The following RANBP17 variants were observed in gnomAD, a reference collection of about 807,000 sequenced individuals.
RANBP17 encodes the protein ran-binding protein 17.
In RANBP17, 158 loss-of-function variants were observed where a neutral mutation model predicts 141.2. The observed-to-expected ratio is 1.12, with a 90% CI of 0.98 to 1.28. The LOEUF is 1.28. Among genes scored for constraint, RANBP17 ranks in the 50% most tolerant of loss-of-function variants. The pLI is 0.00. For missense variants in RANBP17, 1,438 were observed against 1,290.7 expected, an observed-to-expected ratio of 1.11 and a Z score of -1.75; for synonymous variants, 430 against 450.0, an observed-to-expected ratio of 0.96 and a Z score of 0.56.
At chr5:171,203,613 A>G (rs933213705) in intron 19 of RANBP17, among the ~76,000 whole-genome samples, 1 of 152,168 alleles carries the variant, frequency 6.6e-6, no homozygotes, top group South Asian at 2.1e-4. Context: ...AAAAAAGCCA[A>G]TAGATTTGAG....
intron 14 of RANBP17, among the ~76,000 whole-genome samples, chr5:171,019,806 C>T (rs1780723499): frequency 6.6e-6 from 1 of 151,848 alleles, no homozygotes; most frequent in African/African-American, 2.4e-5. Context: ...TATTTCTTGT[C>T]TTCTGCTAGC....
intron 24 of RANBP17, among the ~76,000 whole-genome samples, chr5:171,261,863 C>T (rs930745165): frequency 6.6e-6 from 1 of 152,308 alleles, no homozygotes; most frequent in South Asian, 2.1e-4. Flanking sequence ...CAATAGTTAA[C>T]ACATAGTCTT....
chr5:171,069,342 C>A (rs1443927466), intron 14 of RANBP17, among the ~76,000 whole-genome samples: 1 of 152,190 alleles, frequency 6.6e-6, no homozygotes, highest in Non-Finnish European at 1.5e-5. Context: ...GTGATAGTTG[C>A]TGTGCAAAAT....
intron 14 of RANBP17, among the ~76,000 whole-genome samples, chr5:171,146,668 T>C (rs553857981): frequency 6.6e-6 from 1 of 152,360 alleles, no homozygotes; most frequent in African/African-American, 2.4e-5. Flanking sequence ...TTATGCCATC[T>C]TAAGATAAGC....
At chr5:170,898,558 T>G (rs1370212292) in intron 5 of RANBP17, among the ~76,000 whole-genome samples, 1 of 152,222 alleles carries the variant, frequency 6.6e-6, no homozygotes, top group Non-Finnish European at 1.5e-5. Flanking sequence ...ATTTTGGCTT[T>G]TGTTGCCATT....
chr5:171,286,789 T>C (rs946609230), intron 25 of RANBP17, among the ~76,000 whole-genome samples: 4 of 152,206 alleles, frequency 2.6e-5, no homozygotes, highest in African/African-American at 9.6e-5. Flanking sequence ...CCTGAAAATC[T>C]GGAAGCTTTT....
At chr5:171,258,412 C>T (rs1766066713) in intron 24 of RANBP17, among the ~76,000 whole-genome samples, 1 of 151,938 alleles carries the variant, frequency 6.6e-6, no homozygotes, top group Non-Finnish European at 1.5e-5. Flanking sequence ...ATAAAAGAGC[C>T]TGAATAGCCA....
At chr5:171,063,246 G>T (rs1383543990) in intron 14 of RANBP17, among the ~76,000 whole-genome samples, 1 of 152,152 alleles carries the variant, frequency 6.6e-6, no homozygotes, top group Non-Finnish European at 1.5e-5. Flanking sequence ...CTGCTTTTTA[G>T]AGTTTCCAGT....
chr5:170,879,758 TA>T (rs1404734230), intron 2 of RANBP17, among the ~76,000 whole-genome samples: 5 of 152,212 alleles, frequency 3.3e-5, no homozygotes, highest in African/African-American at 1.2e-4. Context: ...AAAATAGCAG[TA>T]AAAACTTATC....
At chr5:170,864,942 T>A (rs919042282) in intron 1 of RANBP17, among the ~76,000 whole-genome samples, 1 of 152,170 alleles carries the variant, frequency 6.6e-6, no homozygotes, top group African/African-American at 2.4e-5. Flanking sequence ...GGAGAGATTA[T>A]TTATGATTTA....
chr5:171,104,503 T>C (rs1202885200), intron 14 of RANBP17, among the ~76,000 whole-genome samples: 1 of 152,218 alleles, frequency 6.6e-6, no homozygotes, highest in African/African-American at 2.4e-5. Flanking sequence ...TCTGCTTCAT[T>C]GCCACATTAC....
intron 14 of RANBP17, among the ~76,000 whole-genome samples, chr5:170,975,605 A>G (rs191370132): frequency 2.0e-4 from 30 of 152,308 alleles, no homozygotes; most frequent in African/African-American, 7.0e-4. Context: ...AAACAGTAGG[A>G]CACAAACAAT....
intron 14 of RANBP17, among the ~76,000 whole-genome samples, chr5:171,121,006 C>T (rs532898750): frequency 7.4e-4 from 112 of 152,218 alleles, no homozygotes; most frequent in African/African-American, 2.6e-3. Context: ...CTGTAATCCA[C>T]GCTAGTCGTG....
intron 14 of RANBP17, among the ~76,000 whole-genome samples, chr5:171,141,652 T>C (rs1222751431): frequency 2.1e-5 from 3 of 141,994 alleles, no homozygotes; most frequent in Admixed American, 7.1e-5. Flanking sequence ...AGTGAAGATA[T>C]ATACTTTGAT....
intron 14 of RANBP17, among the ~76,000 whole-genome samples, chr5:171,121,272 G>T (rs922267649): frequency 6.6e-6 from 1 of 152,206 alleles, no homozygotes; most frequent in African/African-American, 2.4e-5. Flanking sequence ...TTGGGACATG[G>T]GTGCATAACT....
At chr5:171,017,874 T>A (rs1415682200) in intron 14 of RANBP17, among the ~76,000 whole-genome samples, 1 of 152,228 alleles carries the variant, frequency 6.6e-6, no homozygotes. Flanking sequence ...TTCTAGGGGT[T>A]TTATGGTTCT....
intron 14 of RANBP17, among the ~76,000 whole-genome samples, chr5:171,093,850 G>A (rs967021233): frequency 6.6e-6 from 1 of 152,172 alleles, no homozygotes; most frequent in Non-Finnish European, 1.5e-5. Context: ...AAGATCCCTG[G>A]CTTTGTAATT....
intron 24 of RANBP17, chr5:171,243,043 CA>C: frequency 1.9e-6 from 1 of 522,040 alleles, no homozygotes; most frequent in South Asian, 2.3e-5. Flanking sequence ...AATTTACATA[CA>C]ATAAAATTCA....
chr5:170,871,432 G>A (rs1185741538), intron 1 of RANBP17, among the ~76,000 whole-genome samples: 1 of 152,076 alleles, frequency 6.6e-6, no homozygotes, highest in Non-Finnish European at 1.5e-5. Context: ...TTAGACCTTT[G>A]TCACATGGGT....
Sources: gnomAD v4.1 joint callset for allele counts (sites outside exome capture counted in the v4.1 genomes callset) on GRCh38, gnomAD v4.1.1 for gene constraint, MANE v1.5 for transcripts, NCBI Gene and HGNC (gene_info 2026-07-23, HGNC 2026-07-21) for gene names.